The following FBXL7 variants were observed in gnomAD, a reference collection of about 807,000 sequenced individuals.
FBXL7 encodes the protein F-box/LRR-repeat protein 7.
A neutral mutation model predicts 38.3 loss-of-function variants in FBXL7; 12 were observed. That is an observed-to-expected ratio of 0.31 (90% CI 0.20 to 0.51). FBXL7 has a LOEUF of 0.51. FBXL7 is among the 20% of genes least tolerant of loss of function. The pLI is 0.98. For missense variants in FBXL7, 567 were observed against 676.4 expected (o/e 0.84, Z 1.79); for synonymous variants, 297 against 300.9 (o/e 0.99, Z 0.13).
At position 15,592,491 on chromosome 5, in the gene FBXL7, C is replaced by T. The variant is rs369957986; in HGVS notation, c.38-23492C>T. On this transcript the variant is annotated intron_variant, in intron 1 of 3. Transcript: ENST00000504595. ...ATAAAGTGCCAACTACACAGCTTGA[C>T]GCCATCACAAATATTCTTTTTTTTC... 7.2e-5 allele frequency among the ~76,000 whole-genome samples: 11 copies of T among 152,302 alleles called. No individual in the cohort carries two copies. The South Asian group carries it at 1.2e-3, about 17-fold the overall frequency.
chr5:15,584,114 G>A (rs887360964), intron 1 of FBXL7, among the ~76,000 whole-genome samples: 6 of 152,128 alleles, frequency 3.9e-5, no homozygotes, highest in African/African-American at 1.4e-4. Context: ...CTGGGATGCA[G>A]GGCACCAAAT....
intron 2 of FBXL7, among the ~76,000 whole-genome samples, chr5:15,619,169 C>T (rs1740544726): frequency 6.6e-6 from 1 of 152,160 alleles, no homozygotes; most frequent in Admixed American, 6.5e-5. Context: ...CTGAGGATTT[C>T]TTCCTTTTTC....
At chr5:15,880,633 T>C (rs1740406269) in intron 2 of FBXL7, among the ~76,000 whole-genome samples, 1 of 151,068 alleles carries the variant, frequency 6.6e-6, no homozygotes, top group Admixed American at 6.6e-5. Context: ...ACTATCAGGC[T>C]ACAATGGATT....
chr5:15,560,854 G>A (rs748005552), intron 1 of FBXL7, among the ~76,000 whole-genome samples: 1 of 152,008 alleles, frequency 6.6e-6, no homozygotes, highest in Non-Finnish European at 1.5e-5. Context: ...TAATATTAAT[G>A]TTGCAGGTTT....
rs1304347597 is a variant in FBXL7 at position 15,555,215 on chromosome 5, C to CAG, written c.37+54503_37+54504insGA. ...ACAGACACACAGACAGACAGACAGA[C>CAG]ACACACACCCCCCACAGAACATCCA... On this transcript the variant is annotated intron_variant, in intron 1 of 3. Transcript: ENST00000504595. Among the ~76,000 whole-genome samples, 131 of 152,314 alleles carry CAG rather than the reference C, an allele frequency of 8.6e-4. 1 individual carries two copies. The highest frequency in any genetic ancestry group is 2.6e-3 in the African/African-American group (109 of 41,576).
In FBXL7 at chr5:15,734,080, A is replaced by T. The variant is rs1056896116; in HGVS notation, c.127+118008A>T. Among the ~76,000 whole-genome samples the T allele has an allele frequency of 2.0e-5, 3 of 147,636 alleles. No individual in the cohort carries two copies. In the East Asian group the frequency reaches 5.9e-4, roughly 29 times the overall value. On this transcript the variant is annotated intron_variant, in intron 2 of 3. Coordinates refer to ENST00000504595, the MANE Select transcript of FBXL7 (RefSeq NM_012304.5). ...CAGTGCACCAAGATTGTGCCACTGC[A>T]CCCCAGCCTGGGCTATAGAGGAAGA...
intron 2 of FBXL7, among the ~76,000 whole-genome samples, chr5:15,800,739 G>A (rs1212786416): frequency 6.6e-6 from 1 of 152,194 alleles, no homozygotes; most frequent in Non-Finnish European, 1.5e-5. Flanking sequence ...ATAGACCACT[G>A]GACTTGATGG....
intron 1 of FBXL7, among the ~76,000 whole-genome samples, chr5:15,519,297 C>T (rs904175230): frequency 3.3e-5 from 5 of 152,176 alleles, no homozygotes; most frequent in African/African-American, 9.6e-5. Flanking sequence ...CAACCGAGAT[C>T]GTGCCACTGC....
At chr5:15,697,311 A>C (rs1226278743) in intron 2 of FBXL7, among the ~76,000 whole-genome samples, 1 of 152,156 alleles carries the variant, frequency 6.6e-6, no homozygotes, top group Non-Finnish European at 1.5e-5. Context: ...GTCTAAAAGC[A>C]CAAAATTTAT....
intron 2 of FBXL7, among the ~76,000 whole-genome samples, chr5:15,833,762 G>A (rs1340382145): frequency 4.6e-5 from 7 of 152,158 alleles, no homozygotes; most frequent in African/African-American, 9.7e-5. Context: ...TATCCAGGTT[G>A]GGAATATCAC....
chr5:15,648,772 T>C (rs1741616092), intron 2 of FBXL7, among the ~76,000 whole-genome samples: 1 of 152,200 alleles, frequency 6.6e-6, no homozygotes, highest in Non-Finnish European at 1.5e-5. Context: ...AGTTGAACGA[T>C]GAACTCCAGC....
intron 1 of FBXL7, among the ~76,000 whole-genome samples, chr5:15,595,870 GTT>G (rs1338429732): frequency 6.6e-6 from 1 of 152,224 alleles, no homozygotes; most frequent in Non-Finnish European, 1.5e-5. Context: ...CTCTGGGACA[GTT>G]ATACAGTCCT....
intron 1 of FBXL7, among the ~76,000 whole-genome samples, chr5:15,532,249 C>G (rs1006645566): frequency 6.6e-6 from 1 of 152,184 alleles, no homozygotes; most frequent in African/African-American, 2.4e-5. Flanking sequence ...CCTGAATATT[C>G]TTAGCCTGTA....
intron 1 of FBXL7, among the ~76,000 whole-genome samples, chr5:15,545,138 A>G (rs1026355164): frequency 6.6e-6 from 1 of 152,190 alleles, no homozygotes; most frequent in Admixed American, 6.5e-5. Context: ...TTCTGACTCC[A>G]TTCTCAATGC....
chr5:15,752,616 A>G (rs192159133), intron 2 of FBXL7, among the ~76,000 whole-genome samples: 5 of 152,218 alleles, frequency 3.3e-5, no homozygotes, highest in African/African-American at 1.2e-4. Flanking sequence ...TAAGAGTTGT[A>G]ATTTTTTTTG....
At position 15,500,732 on chromosome 5, in the gene FBXL7, C is replaced by T. The variant is rs756634068; in HGVS notation, c.37+19C>T. On this transcript the variant is annotated intron_variant, in intron 1 of 3. Transcript: ENST00000504595. ...AGTGAGGGTGAGTGGGCCGCCCGTC[C>T]TCAGACTCCCGGATCGCGTCCCTCC... 2 of 1,604,116 alleles carry T rather than the reference C, an allele frequency of 1.2e-6. No homozygotes were observed. The highest frequency in any genetic ancestry group is 2.3e-5 in the East Asian group (1 of 43,218).
At chr5:15,888,426 AC>A (rs1394114237) in intron 2 of FBXL7, among the ~76,000 whole-genome samples, 5 of 151,900 alleles carry the variant, frequency 3.3e-5, no homozygotes, top group Non-Finnish European at 7.4e-5. Context: ...ATGGGATTTC[AC>A]CGTGTTGGCC....
At chr5:15,795,927 T>G (rs1471167371) in intron 2 of FBXL7, among the ~76,000 whole-genome samples, 1 of 152,196 alleles carries the variant, frequency 6.6e-6, no homozygotes, top group East Asian at 1.9e-4. Context: ...GGAATAATAG[T>G]GGTCCAAAAA....
chr5:15,654,313 T>A (rs1311944660), intron 2 of FBXL7, among the ~76,000 whole-genome samples: 1 of 151,426 alleles, frequency 6.6e-6, no homozygotes, highest in Non-Finnish European at 1.5e-5. Flanking sequence ...TTCATTTATA[T>A]AATTGAGAAA....
Sources: allele counts gnomAD v4.1 joint callset (sites outside exome capture counted in the v4.1 genomes callset), GRCh38; gene constraint gnomAD v4.1.1; transcripts MANE v1.5; gene names NCBI Gene and HGNC (gene_info 2026-07-23, HGNC 2026-07-21).